Variants in MEGF8 observed in about 807,000 individuals in gnomAD.
The protein encoded by MEGF8 is multiple epidermal growth factor-like domains protein 8.
Under a neutral mutation model 302.9 loss-of-function variants are expected in MEGF8, and 156 were observed. The observed-to-expected ratio is 0.52, with a 90% CI of 0.45 to 0.59. The LOEUF is 0.59. MEGF8 is among the 20% of genes least tolerant of loss of function. MEGF8 has a pLI of 0.00. For synonymous variants in MEGF8, 1,621 were observed against 1,660.5 expected (o/e 0.98, Z 0.58); for missense variants, 3,345 against 3,964.5 (o/e 0.84, Z 4.20).
chr19:42,335,185 T>G lies in MEGF8; in HGVS notation c.709T>G (p.Ser237Ala). The G allele has an allele frequency of 6.2e-7, 1 of 1,613,938 alleles. No individual in the cohort carries two copies. The highest frequency in any genetic ancestry group is 8.5e-7 in the Non-Finnish European group (1 of 1,179,872). Residue 237 changes from serine (S) to alanine (A), a missense_variant, in exon 4 of 42, where the codon TCC (serine) becomes GCC (alanine). Coordinates refer to ENST00000251268, the MANE Select transcript of MEGF8 (RefSeq NM_001271938.2). The part of the protein sequence containing the change: ...ARIGAAGAFL[S>A]PPGLLAVFGG... ...TATTGGGGCAGCTGGCGCCTTCCTG[T>G]CCCCACCAGGGCTGCTGGCAGTTTT...
rs1213761681 is a variant in MEGF8 at position 42,354,672 on chromosome 19, T to C, written c.4096T>C (p.Phe1366Leu). 3.1e-6 allele frequency: 5 copies of C among 1,611,664 alleles called. No individual in the cohort carries two copies. Among genetic ancestry groups the C allele is most frequent in the Non-Finnish European group, 4.2e-6 (5 of 1,179,782 alleles). ...GTCGGACCGCAGCCTCATAGCTGCC[T>C]TCTGCGGCCAGCGACGGGACAGGCC... ...VQSDRSLIAAFCGQRRDRPLT... is the reference protein window; with the variant it reads ...VQSDRSLIAALCGQRRDRPLT... The change falls in exon 23 of 42, where the codon TTC becomes CTC. Residue 1366 changes from phenylalanine to leucine, a missense_variant. Physicochemically the swap from Phe to Leu is conservative, Grantham distance 22 (BLOSUM62 0). Transcript: ENST00000251268. The surrounding 1 kb of genome is among the most constrained non-coding windows in gnomAD (Gnocchi z 4.3).
Position 42,368,992 on chromosome 19 carries a change from A to G in MEGF8, c.6631A>G (p.Thr2211Ala). The G allele has an allele frequency of 6.2e-7, 1 of 1,613,558 alleles. No homozygotes were observed. Among genetic ancestry groups the G allele is most frequent in the Non-Finnish European group, 8.5e-7 (1 of 1,179,846 alleles). The change falls in exon 37 of 42, where the codon ACC (threonine) becomes GCC (alanine). Residue 2211 changes from threonine to alanine, a missense_variant. Thr to Ala is a moderately conservative substitution (Grantham distance 58, BLOSUM62 0). Transcript: ENST00000251268. The surrounding 1 kb of genome is among the most constrained non-coding windows in gnomAD (Gnocchi z 4.9). Reference protein sequence around the residue: ...GYECSCKTGYTMDNMTGLCRP... With the variant: ...GYECSCKTGYAMDNMTGLCRP... ...TGAGTGCAGCTGCAAGACCGGCTAT[A>G]CCATGGACAAGTGAGGCCGCAGGCG... is the stretch of plus-strand genomic sequence containing the variant.
rs866794378 is a variant in MEGF8, at chr19:42,326,030, C to T, written c.-214C>T. 8 of 701,020 alleles carry T rather than the reference C, an allele frequency of 1.1e-5. No individual in the cohort carries two copies. The South Asian group carries it at 2.5e-4, about 22-fold the overall frequency. The allele number at this position is 701,020 out of a possible 1,614,324, so 43.4% of individuals were successfully genotyped here. A position where few individuals can be genotyped will look rare whatever the true frequency, so the allele number is the denominator to read the frequency against. ...ATAATGACTCCATATACAGGGCCTT[C>T]CATCGCTCTATAGGGCTCAGCCCTC... On this transcript the variant is annotated 5_prime_UTR_variant, in exon 1 of 42. Coordinates refer to ENST00000251268, the MANE Select transcript of MEGF8 (RefSeq NM_001271938.2).
intron 1 of MEGF8, among the ~76,000 whole-genome samples, chr19:42,332,430 C>A (rs2039067281): frequency 6.6e-6 from 1 of 152,064 alleles, no homozygotes; most frequent in South Asian, 2.1e-4. Context: ...TGCAATGGCA[C>A]AATCTCGGCT....
chr19:42,338,662 T>C (rs1207482336), intron 8 of MEGF8, among the ~76,000 whole-genome samples: 2 of 152,164 alleles, frequency 1.3e-5, no homozygotes, highest in Non-Finnish European at 2.9e-5. Flanking sequence ...TGTGAGAACA[T>C]GCAGTATTTG....
At position 42,352,315 on chromosome 19, in the gene MEGF8, C is replaced by A; in HGVS notation, c.3209C>A (p.Ala1070Asp). The A allele has an allele frequency of 1.3e-6, 2 of 1,579,036 alleles. No homozygotes were observed. Among genetic ancestry groups the A allele is most frequent in the Non-Finnish European group, 1.7e-6 (2 of 1,163,198 alleles). ...PVALPARWAY[A>D]RCPDVDECRL... ...GCCCTCCCTGCCCGCTGGGCATACG[C>A]CCGCTGTCCTGACGTGGATGAGTGT... The change falls in exon 19 of 42, where the codon GCC becomes GAC. Residue 1070 changes from alanine to aspartate, a missense_variant. Physicochemically the swap from Ala to Asp is moderately radical, Grantham distance 126. Transcript: ENST00000251268. This position sits in a 1 kb window ranked among gnomAD's most constrained non-coding sequence, Gnocchi z 4.4.
At chr19:42,364,281 G>A (rs941044063) in intron 35 of MEGF8, among the ~76,000 whole-genome samples, 1 of 152,072 alleles carries the variant, frequency 6.6e-6, no homozygotes, top group African/African-American at 2.4e-5. Context: ...GCAGACAAAG[G>A]CATTCGCACC....
Position 42,370,329 on chromosome 19 carries a change from G to T in MEGF8, c.6975G>T (p.Glu2325Asp), listed in dbSNP as rs370364807. The T allele has an allele frequency of 1.9e-6, 3 of 1,599,208 alleles. No individual in the cohort carries two copies. The highest frequency in any genetic ancestry group is 2.7e-5 in the African/African-American group (2 of 74,696). ...SRKELQMSKG[E>D]PKKYSLDPEE... ...AGGAGTTACAAATGTCCAAGGGAGA[G>T]CCAAAGAAGTACTCACTGGACCCAG... Residue 2325 changes from glutamate to aspartate, a missense_variant, in exon 39 of 42, where the codon GAG (glutamate) becomes GAT (aspartate). Coordinates refer to ENST00000251268, the MANE Select transcript of MEGF8 (RefSeq NM_001271938.2).
intron 35 of MEGF8, among the ~76,000 whole-genome samples, chr19:42,363,797 T>G (rs1368984894): frequency 1.3e-5 from 2 of 152,166 alleles, no homozygotes; most frequent in Non-Finnish European, 2.9e-5. Flanking sequence ...AGGAAGTGTT[T>G]CTGCTCTGTT....
chr19:42,351,560 G>C lies in MEGF8; in HGVS notation c.2987G>C (p.Ser996Thr), dbSNP rs1223817524. ...GGGGGCTGTCGAGGCTGGGACGACA[G>C]GTATGGTCCCTGGGGCAGGGCTAAC... ...PHGGCRGWDD[S>T]VHSEPRCRSC... The change falls in exon 17 of 42, where the codon AGT becomes ACT. Residue 996 changes from serine to threonine, a missense_variant and splice_region_variant. Ser to Thr is a moderately conservative substitution (Grantham distance 58). Transcript: ENST00000251268. The surrounding 1 kb of genome is among the most constrained non-coding windows in gnomAD (Gnocchi z 5.6). 6.2e-7 allele frequency: 1 copy of C among 1,608,686 alleles called. No individual in the cohort carries two copies. Among genetic ancestry groups the C allele is most frequent in the Non-Finnish European group, 8.5e-7 (1 of 1,177,924 alleles).
At position 42,336,038 on chromosome 19, in the gene MEGF8, A is replaced by G. The variant is rs1395324655; in HGVS notation, c.936A>G (p.Pro312=). 1.9e-6 allele frequency: 3 copies of G among 1,572,668 alleles called. No individual in the cohort carries two copies. The highest frequency in any genetic ancestry group is 2.6e-6 in the Non-Finnish European group (3 of 1,163,080). ...CCAACGACGTGTGGGCCTTCAGTCC[A>G]CTGGGCAGGGGCCACTGGGAGCTCC... ...SLTNDVWAFS[P]LGRGHWELLA... The change falls in exon 6 of 42, where the codon CCA becomes CCG. Residue 312 remains proline, a synonymous_variant. Transcript: ENST00000251268. This position sits in a 1 kb window ranked among gnomAD's most constrained non-coding sequence, Gnocchi z 4.8.
intron 41 of MEGF8, among the ~76,000 whole-genome samples, chr19:42,373,237 C>T (rs534205636): frequency 1.1e-4 from 17 of 151,796 alleles, no homozygotes; most frequent in African/African-American, 3.6e-4. Context: ...GGACTACAGG[C>T]ACGTACCACC....
Position 42,375,349 on chromosome 19 carries a change from G to A in MEGF8, c.7270-158G>A, listed in dbSNP as rs1413594482. Among the ~76,000 whole-genome samples the A allele has an allele frequency of 1.3e-5, 2 of 152,198 alleles. No homozygotes were observed. Among genetic ancestry groups the A allele is most frequent in the Non-Finnish European group, 2.9e-5 (2 of 68,022 alleles). On this transcript the variant is annotated intron_variant, in intron 41 of 41. Coordinates refer to ENST00000251268, the MANE Select transcript of MEGF8 (RefSeq NM_001271938.2). This position sits in a 1 kb window ranked among gnomAD's most constrained non-coding sequence, Gnocchi z 7.1. ...GCAAGGTCTACACTGTGGCAGAGAA[G>A]GTCCGGGGGGTCACAGGGAAGTGAC...
rs750709778 is a variant in MEGF8, at chr19:42,351,290, G to A, written c.2811G>A (p.Arg937=). The change falls in exon 16 of 42, where the codon CGG becomes CGA. Residue 937 remains arginine (R), a synonymous_variant. Transcript: ENST00000251268. This position sits in a 1 kb window ranked among gnomAD's most constrained non-coding sequence, Gnocchi z 5.6. ...DAACSRRGRG[R]GALKSPEECP... ...CATGCAGCCGGCGGGGCCGGGGTCG[G>A]GGTGCCCTGAAGAGTCCAGAGGAGT... 1.9e-6 allele frequency: 3 copies of A among 1,569,472 alleles called. No homozygotes were observed. Among genetic ancestry groups the A allele is most frequent in the Non-Finnish European group, 2.6e-6 (3 of 1,157,010 alleles).
At position 42,344,782 on chromosome 19, in the gene MEGF8, C is replaced by A. The variant is rs2039265737; in HGVS notation, c.2046C>A (p.Gly682=). The change falls in exon 12 of 42, where the codon GGC becomes GGA. Residue 682 remains glycine, a synonymous_variant. Transcript: ENST00000251268. The surrounding 1 kb of genome is among the most constrained non-coding windows in gnomAD (Gnocchi z 4.5). ...EACVTQSFLP[G]LHLLTFQQPP... ...GCGTCACCCAGAGCTTCCTGCCTGG[C>A]CTGCACTTGCTCACCTTTCAGCAGC... is the stretch of plus-strand genomic sequence containing the variant. The A allele has an allele frequency of 1.2e-6, 2 of 1,610,296 alleles. No individual in the cohort carries two copies. Among genetic ancestry groups the A allele is most frequent in the African/African-American group, 1.3e-5 (1 of 74,838 alleles).
chr19:42,329,949 C>CT (rs1478029029), intron 1 of MEGF8, among the ~76,000 whole-genome samples: 6 of 150,486 alleles, frequency 4.0e-5, no homozygotes, highest in East Asian at 2.0e-4. Context: ...TAGTCCTAGA[C>CT]TTTTTTTTTC....
rs1470564570 is a variant in MEGF8 at position 42,343,442 on chromosome 19, G to T, written c.1514-35G>T. ...CATGGAGGTGGTGGAGGGGCTGGGG[G>T]TCTAATAATGTCATTGGGGTCTCTA... On this transcript the variant is annotated intron_variant, in intron 8 of 41. Transcript: ENST00000251268. The T allele has an allele frequency of 2.6e-6, 4 of 1,558,732 alleles. No individual in the cohort carries two copies. In the South Asian group the frequency reaches 4.7e-5, roughly 18 times the overall value.
chr19:42,354,437 AT>A lies in MEGF8; in HGVS notation c.4012-150del. The A allele has an allele frequency of 1.1e-6, 1 of 912,612 alleles. No individual in the cohort carries two copies. Among genetic ancestry groups the A allele is most frequent in the Non-Finnish European group, 1.7e-6 (1 of 596,554 alleles). 56.5% of individuals were successfully genotyped at this position (912,612 alleles called of 1,614,324 possible). A position where few individuals can be genotyped will look rare whatever the true frequency, so the allele number is the denominator to read the frequency against. ...ACACAGGAAGGGGAGTGGTGGCCTT[AT>A]GCCATAGTTTGACAGTCTCCCCTGG... is the stretch of plus-strand genomic sequence containing the variant. On this transcript the variant is annotated intron_variant, in intron 22 of 41. Transcript: ENST00000251268. This position sits in a 1 kb window ranked among gnomAD's most constrained non-coding sequence, Gnocchi z 4.3.
In MEGF8 at chr19:42,349,606, A is replaced by G; in HGVS notation, c.2406A>G (p.Ala802=). Residue 802 remains alanine (A), a synonymous_variant, in exon 14 of 42, where the codon GCA becomes GCG. Transcript: ENST00000251268. The stretch of plus-strand genomic sequence containing the variant: ...TGCCTGGGCGGGACCACAAGTATGC[A>G]GTAGAGATCCAGGGCCAGCTCAATG... The part of the protein sequence containing the change: ...FPLPGRDHKY[A]VEIQGQLNGS... 2 of 1,612,078 alleles carry G rather than the reference A, an allele frequency of 1.2e-6. No individual in the cohort carries two copies. Among genetic ancestry groups the G allele is most frequent in the Non-Finnish European group, 1.7e-6 (2 of 1,179,818 alleles).
Sources: gnomAD v4.1 joint callset for allele counts (sites outside exome capture counted in the v4.1 genomes callset) on GRCh38, gnomAD v4.1.1 for gene constraint, Gnocchi (gnomAD v3.1) non-coding constraint, MANE v1.5 for transcripts, NCBI Gene and HGNC (gene_info 2026-07-23, HGNC 2026-07-21) for gene names.